The following TIE1 variants were observed in gnomAD, a reference collection of about 807,000 sequenced individuals.
The protein encoded by TIE1 is tyrosine-protein kinase receptor Tie-1.
Under a neutral mutation model 130.5 loss-of-function variants are expected in TIE1, and 89 were observed. The observed-to-expected ratio is 0.68, with a 90% confidence interval of 0.57 to 0.81. TIE1 has a LOEUF of 0.81. Ranked by LOEUF, TIE1 falls within the 40% of genes least tolerant of loss-of-function variation. TIE1 has a pLI of 0.00. For missense variants in TIE1, 1,392 were observed against 1,559.8 expected (o/e 0.89, Z 1.81); for synonymous variants, 568 against 629.4 (o/e 0.90, Z 1.46).
rs768615748 is a variant in TIE1 at position 43,308,859 on chromosome 1, G to C, written c.1043-127G>C. 9.1e-6 allele frequency: 12 copies of C among 1,321,352 alleles called. No homozygotes were observed. In the South Asian group the frequency reaches 1.5e-4, roughly 16 times the overall value. The allele number at this position is 1,321,352 out of a possible 1,614,324, so 81.9% of individuals were successfully genotyped here. On this transcript the variant is annotated intron_variant, in intron 7 of 22. Coordinates refer to ENST00000372476, the MANE Select transcript of TIE1 (RefSeq NM_005424.5). ...CGCTGGAGGAGTCATGCGGGCCTTT[G>C]CTGGTTTTCAGGCTGGAGGGACTGG...
chr1:43,302,159 G>A (rs1385922292), intron 1 of TIE1, among the ~76,000 whole-genome samples: 2 of 152,328 alleles, frequency 1.3e-5, no homozygotes, highest in East Asian at 1.9e-4. Context: ...AACATTTATT[G>A]AGCACCAACA....
At position 43,307,298 on chromosome 1, in the gene TIE1, C is replaced by G. The variant is rs1557442769; in HGVS notation, c.772+25C>G. ...GGTAAGGAGGAGGGGAGCTAGGACC[C>G]AGGCAGGAGAGGATCCCTGACTGGG... On this transcript the variant is annotated intron_variant, in intron 5 of 22. Transcript: ENST00000372476. This position sits in a 1 kb window ranked among gnomAD's most constrained non-coding sequence, Gnocchi z 5.4. 2 of 1,613,904 alleles carry G rather than the reference C, an allele frequency of 1.2e-6. No individual in the cohort carries two copies. The highest frequency in any genetic ancestry group is 1.7e-6 in the Non-Finnish European group (2 of 1,179,944).
Position 43,318,048 on chromosome 1 carries a change from C to T in TIE1, c.2898C>T (p.Gly966=). Residue 966 remains glycine (G), a synonymous_variant, in exon 17 of 23, where the codon GGC becomes GGT. Transcript: ENST00000372476. The surrounding 1 kb of genome is among the most constrained non-coding windows in gnomAD (Gnocchi z 4.4). Reference sequence around the variant, plus strand: ...GTTTCGCCAGTGATGCGGCCAATGGCATGCAGTACCTGAGTGAGAAGCAGG... The same window carrying T: ...GTTTCGCCAGTGATGCGGCCAATGGTATGCAGTACCTGAGTGAGAAGCAGG... ...LLRFASDAAN[G]MQYLSEKQFI... 1 of 1,569,732 alleles carries T rather than the reference C, an allele frequency of 6.4e-7. No homozygotes were observed. Among genetic ancestry groups the T allele is most frequent in the Non-Finnish European group, 8.6e-7 (1 of 1,157,324 alleles).
At chr1:43,314,670 A>T (rs1380188060) in intron 14 of TIE1, 19 of 534,460 alleles carry the variant, frequency 3.6e-5, no homozygotes, top group Non-Finnish European at 4.5e-5. Flanking sequence ...TCTACTAAAA[A>T]TACAAAAATT....
At position 43,321,632 on chromosome 1, in the gene TIE1, C is replaced by T; in HGVS notation, c.3262C>T (p.Gln1088Ter). The T allele has an allele frequency of 6.4e-7, 1 of 1,554,178 alleles. No homozygotes were observed. The highest frequency in any genetic ancestry group is 8.7e-7 in the Non-Finnish European group (1 of 1,148,340). The part of the protein sequence containing the change: ...CDDEVYELMR[Q>*]CWRDRPYERP... ...CCCTCGCAGGTACGAGCTGATGCGT[C>T]AGTGCTGGCGGGACCGTCCCTATGA... Residue 1088 changes from glutamine (Q) to a stop codon, truncating the protein, a stop_gained, in exon 22 of 23, where the codon CAG becomes TAG. Transcript: ENST00000372476. LOFTEE classifies it high-confidence loss of function.
rs759321448 is a variant in TIE1, at chr1:43,322,609, A to G, written c.3346-42A>G. ...AGTCCAGGAGCTTGAGGCCAGATGCACCCCCATTCCTGGCCCCCACTAAAG... is the reference window on the plus strand; with the variant it reads ...AGTCCAGGAGCTTGAGGCCAGATGCGCCCCCATTCCTGGCCCCCACTAAAG... On this transcript the variant is annotated intron_variant, in intron 22 of 22. Transcript: ENST00000372476. The surrounding 1 kb of genome is among the most constrained non-coding windows in gnomAD (Gnocchi z 4.0). 3.2e-6 allele frequency: 5 copies of G among 1,551,962 alleles called. No individual in the cohort carries two copies. The highest frequency in any genetic ancestry group is 1.7e-5 in the Admixed American group (1 of 59,714).
intron 7 of TIE1, among the ~76,000 whole-genome samples, chr1:43,308,450 GGGACCCA>G (rs1210300437): frequency 2.5e-4 from 4 of 16,012 alleles, no homozygotes; most frequent in African/African-American, 2.2e-3. Flanking sequence ...AGTGGGGTAG[GGGACCCA>G]GGGATTGGGG....
rs759617752 is a variant in TIE1 at position 43,302,984 on chromosome 1, T to C, written c.58+1855T>C. On this transcript the variant is annotated intron_variant, in intron 1 of 22. Coordinates refer to ENST00000372476, the MANE Select transcript of TIE1 (RefSeq NM_005424.5). ...CAGACAACCTGGCCCTGCCACTCACTAATTGTATGACCTTGGGCAAGTTAC... is the reference window on the plus strand; with the variant it reads ...CAGACAACCTGGCCCTGCCACTCACCAATTGTATGACCTTGGGCAAGTTAC... Among the ~76,000 whole-genome samples the C allele has an allele frequency of 7.9e-4, 120 of 152,316 alleles. 1 individual carries two copies. Among genetic ancestry groups the C allele is most frequent in the Non-Finnish European group, 1.4e-3 (97 of 68,038 alleles).
In TIE1 at chr1:43,317,964, C is replaced by T; in HGVS notation, c.2814C>T (p.Asp938=). The change falls in exon 17 of 23, where the codon GAC becomes GAT. Residue 938 remains aspartate, a synonymous_variant. Coordinates refer to ENST00000372476, the MANE Select transcript of TIE1 (RefSeq NM_005424.5). This position sits in a 1 kb window ranked among gnomAD's most constrained non-coding sequence, Gnocchi z 5.1. ...FLRKSRVLET[D]PAFAREHGTA... is the part of the protein sequence containing the mutation. The stretch of plus-strand genomic sequence containing the variant: ...GGAAAAGCCGGGTCCTAGAGACTGA[C>T]CCAGCTTTTGCTCGAGAGCATGGGA... The T allele has an allele frequency of 6.2e-7, 1 of 1,613,472 alleles. No individual in the cohort carries two copies. The highest frequency in any genetic ancestry group is 8.5e-7 in the Non-Finnish European group (1 of 1,179,676).
At chr1:43,321,120 C>T (rs977492655) in intron 19 of TIE1, 149 bp from the exon 20 acceptor site, 11 of 786,660 alleles carry the variant, frequency 1.4e-5, no homozygotes, top group African/African-American at 8.5e-5. Context: ...GCTTCATTGG[C>T]GCAGAGACAA....
chr1:43,308,737 G>A (rs890455341), intron 7 of TIE1: 2 of 597,384 alleles, frequency 3.3e-6, no homozygotes, highest in Admixed American at 2.2e-5. Context: ...TGGCTGGGAG[G>A]ATGGTGAGGG....
At position 43,318,004 on chromosome 1, in the gene TIE1, A is replaced by G. The variant is rs1461368512; in HGVS notation, c.2854A>G (p.Ser952Gly). The G allele has an allele frequency of 6.3e-7, 1 of 1,596,318 alleles. No homozygotes were observed. The highest frequency in any genetic ancestry group is 1.1e-5 in the South Asian group (1 of 88,880). ...AGAGCATGGGACAGCCTCTACCCTT[A>G]GCTCCCGGCAGCTGCTGCGTTTCGC... ...AREHGTASTLSSRQLLRFASD... is the reference protein window; with the variant it reads ...AREHGTASTLGSRQLLRFASD... The change falls in exon 17 of 23, where the codon AGC (serine) becomes GGC (glycine). Residue 952 changes from serine to glycine, a missense_variant. Ser to Gly is a moderately conservative substitution (Grantham distance 56, BLOSUM62 0). This residue lies in a region of TIE1 where 286 missense variants were observed against 354.4 expected (regional missense o/e 0.81). Transcript: ENST00000372476. This position sits in a 1 kb window ranked among gnomAD's most constrained non-coding sequence, Gnocchi z 4.4.
Position 43,316,208 on chromosome 1 carries a change from G to A in TIE1, c.2410-991G>A, listed in dbSNP as rs1235344107. Among the ~76,000 whole-genome samples, 1 of 152,220 alleles carries A rather than the reference G, an allele frequency of 6.6e-6. No homozygotes were observed. Among genetic ancestry groups the A allele is most frequent in the East Asian group, 1.9e-4 (1 of 5,202 alleles). ...AAATGCGTGTGTCCCAGATGCACGT[G>A]TCCCTATGCCTGTGCACCTTCAGGC... is the stretch of plus-strand genomic sequence containing the variant. On this transcript the variant is annotated intron_variant, in intron 14 of 22. Coordinates refer to ENST00000372476, the MANE Select transcript of TIE1 (RefSeq NM_005424.5). The surrounding 1 kb of genome is among the most constrained non-coding windows in gnomAD (Gnocchi z 4.4).
In TIE1 at chr1:43,304,487, C is replaced by T. The variant is rs117109910; in HGVS notation, c.59-364C>T. Among the ~76,000 whole-genome samples the T allele has an allele frequency of 1.1e-3, 160 of 152,228 alleles. No homozygotes were observed. In the East Asian group the frequency reaches 0.024, roughly 23 times the overall value. On this transcript the variant is annotated intron_variant, in intron 1 of 22. Transcript: ENST00000372476. ...GACTGATAGAAATAAAGTGAGGAAA[C>T]GGAGACAGGGAGCATAGATCATTCT... is the stretch of plus-strand genomic sequence containing the variant.
At chr1:43,305,555 A>G (rs1258871196) in intron 3 of TIE1, among the ~76,000 whole-genome samples, 3 of 152,168 alleles carry the variant, frequency 2.0e-5, no homozygotes, top group Non-Finnish European at 2.9e-5. Context: ...GAGGGCCAGG[A>G]GCCTGTGGTC....
In TIE1 at chr1:43,304,931, G is replaced by A; in HGVS notation, c.139G>A (p.Glu47Lys). The change falls in exon 2 of 23, where the codon GAG (glutamate) becomes AAG (lysine). Residue 47 changes from glutamate (E) to lysine (K), a missense_variant. Physicochemically the swap from Glu to Lys is moderately conservative, Grantham distance 56. This residue lies in a region of TIE1 where 415 missense variants were observed against 424.8 expected (regional missense o/e 0.98). Transcript: ENST00000372476. ...CTTCTTCCTGACTTGCGTGTCTGGG[G>A]AGGCCGGGGCGGGGAGGGGCTCGGA... ...QRFFLTCVSG[E>K]AGAGRGSDAW... The A allele has an allele frequency of 6.9e-7, 1 of 1,445,790 alleles. No homozygotes were observed. Among genetic ancestry groups the A allele is most frequent in the East Asian group, 2.5e-5 (1 of 39,454 alleles). 89.6% of individuals were successfully genotyped at this position (1,445,790 alleles called of 1,614,324 possible). A position where few individuals can be genotyped will look rare whatever the true frequency, so the allele number is the denominator to read the frequency against.
chr1:43,310,325 C>T (rs1191223513), intron 9 of TIE1, among the ~76,000 whole-genome samples: 1 of 152,206 alleles, frequency 6.6e-6, no homozygotes, highest in South Asian at 2.1e-4. Context: ...GGCTTGAATC[C>T]TCTCTCCACA....
Position 43,313,032 on chromosome 1 carries a change from T to C in TIE1, c.1928-103T>C. On this transcript the variant is annotated intron_variant, in intron 12 of 22. Coordinates refer to ENST00000372476, the MANE Select transcript of TIE1 (RefSeq NM_005424.5). This position sits in a 1 kb window ranked among gnomAD's most constrained non-coding sequence, Gnocchi z 6.2. ...AAGTTGGCAGGGTGGCCCCTGTGCTTGGACCCACAGAGGAGGGAGCACAGC... is the reference window on the plus strand; with the variant it reads ...AAGTTGGCAGGGTGGCCCCTGTGCTCGGACCCACAGAGGAGGGAGCACAGC... The C allele has an allele frequency of 1.4e-6, 2 of 1,385,934 alleles. No individual in the cohort carries two copies. The highest frequency in any genetic ancestry group is 2.0e-6 in the Non-Finnish European group (2 of 1,022,512). 85.9% of individuals were successfully genotyped at this position (1,385,934 alleles called of 1,614,324 possible). A position where few individuals can be genotyped will look rare whatever the true frequency, so the allele number is the denominator to read the frequency against.
At chr1:43,311,521 C>T (rs1172531024) in intron 9 of TIE1, 150 bp from the exon 10 acceptor site, 3 of 1,033,296 alleles carry the variant, frequency 2.9e-6, no homozygotes, top group African/African-American at 1.6e-5. Context: ...ACCCAGGGGC[C>T]TGAACTCTGT....
Sources: allele counts gnomAD v4.1 joint callset (sites outside exome capture counted in the v4.1 genomes callset), GRCh38; gene constraint gnomAD v4.1.1; regional missense constraint gnomAD v4.1.1; non-coding constraint Gnocchi (gnomAD v3.1); transcripts MANE v1.5; gene names NCBI Gene and HGNC (gene_info 2026-07-23, HGNC 2026-07-21).